USP53: variants seen among roughly 807,000 people sequenced by gnomAD.
The protein encoded by USP53 is ubiquitin specific peptidase 53.
USP53 carries 71 observed loss-of-function variants against 94.9 expected under a neutral mutation model. That is an observed-to-expected ratio of 0.75 (90% CI 0.62 to 0.91). The LOEUF (loss-of-function observed/expected upper bound fraction) is 0.91, where lower values mean the gene tolerates loss of function less well. USP53 is among the 40% of genes least tolerant of loss of function. The pLI, the probability that USP53 is intolerant of heterozygous loss-of-function variation, is 0.00. For missense variants in USP53, 1,173 were observed against 1,281.0 expected (o/e 0.92, Z 1.29); for synonymous variants, 375 against 422.7 (o/e 0.89, Z 1.39).
At chr4:119,291,801 A>C (rs1754790749) in intron 18 of USP53, among the ~76,000 whole-genome samples, 1 of 152,112 alleles carries the variant, frequency 6.6e-6, no homozygotes, top group Non-Finnish European at 1.5e-5. Flanking sequence ...CAGCAGGATC[A>C]CTTGAGGCCA....
chr4:119,263,760 C>G (rs1488565363), intron 12 of USP53, among the ~76,000 whole-genome samples: 1 of 152,012 alleles, frequency 6.6e-6, no homozygotes, highest in Non-Finnish European at 1.5e-5. Context: ...TTGCTCTGGA[C>G]CTGATATTAA....
intron 2 of USP53, among the ~76,000 whole-genome samples, chr4:119,215,362 A>G (rs1743573318): frequency 6.6e-6 from 1 of 152,220 alleles, no homozygotes; most frequent in African/African-American, 2.4e-5. Context: ...AAAAATCCTC[A>G]AAGGTTAAAT....
At position 119,268,357 on chromosome 4, in the gene USP53, C is replaced by G; in HGVS notation, c.1225C>G (p.Pro409Ala). ...QAKQRENQKF[P>A]TDNISSSNRS... ...AAAGCAGAGAGAAAATCAGAAATTTCCAACTGATAATATTTCATCATCTAA... is the reference window on the plus strand; with the variant it reads ...AAAGCAGAGAGAAAATCAGAAATTTGCAACTGATAATATTTCATCATCTAA... The change falls in exon 14 of 19, where the codon CCA (proline) becomes GCA (alanine). Residue 409 changes from proline to alanine, a missense_variant. Physicochemically the swap from Pro to Ala is conservative, Grantham distance 27 (BLOSUM62 -1). Coordinates refer to ENST00000692078, the MANE Select transcript of USP53 (RefSeq NM_001371395.1). 3 of 1,613,822 alleles carry G rather than the reference C, an allele frequency of 1.9e-6. No individual in the cohort carries two copies. The highest frequency in any genetic ancestry group is 2.5e-6 in the Non-Finnish European group (3 of 1,179,902).
chr4:119,266,685 C>A lies in USP53; in HGVS notation c.973-635C>A, dbSNP rs149888202. Among the ~76,000 whole-genome samples, 3 of 151,890 alleles carry A rather than the reference C, an allele frequency of 2.0e-5. No individual in the cohort carries two copies. The East Asian group carries it at 5.8e-4, about 29-fold the overall frequency. ...TTGTAGGAATTCTTTATTCTGCATA[C>A]CAGTCCTTTATTAGCTGTATGTTGC... On this transcript the variant is annotated intron_variant, in intron 12 of 18. Coordinates refer to ENST00000692078, the MANE Select transcript of USP53 (RefSeq NM_001371395.1).
intron 9 of USP53, among the ~76,000 whole-genome samples, chr4:119,256,870 G>C (rs569956646): frequency 3.3e-5 from 5 of 152,054 alleles, no homozygotes; most frequent in Non-Finnish European, 5.9e-5. Flanking sequence ...GTTTGTAATG[G>C]CCATATTTTC....
chr4:119,261,623 T>C (rs1218323637), intron 11 of USP53, 92 bp from the exon 12 acceptor site: 2 of 1,044,282 alleles, frequency 1.9e-6, no homozygotes, highest in African/African-American at 1.6e-5. Flanking sequence ...TGAGAAATAT[T>C]TCATTATGTG....
rs552491366 is a variant in USP53, at chr4:119,219,973, G to T, written c.-665+2300G>T. The T allele has an allele frequency of 1.3e-4, 20 of 151,992 alleles. No homozygotes were observed. In the East Asian group the frequency reaches 3.1e-3, roughly 23 times the overall value. The allele number at this position is 151,992 out of a possible 1,614,324, so 9.4% of individuals were successfully genotyped here. A position where few individuals can be genotyped will look rare whatever the true frequency, so the allele number is the denominator to read the frequency against. ...GGTTCATTTTAAAGTTCAAATTTAA[G>T]TTTTTTATTTTAAAATATTTTATTG... On this transcript the variant is annotated intron_variant, in intron 3 of 18. Transcript: ENST00000692078.
At chr4:119,269,900 G>T in intron 15 of USP53, 63 bp downstream of exon 15, 1 of 1,132,794 alleles carries the variant, frequency 8.8e-7, no homozygotes, top group South Asian at 3.5e-5. Flanking sequence ...TTTTAAAACT[G>T]AATTTTATAA....
intron 14 of USP53, among the ~76,000 whole-genome samples, chr4:119,269,070 T>G (rs1225669665): frequency 6.6e-6 from 1 of 152,194 alleles, no homozygotes; most frequent in East Asian, 1.9e-4. Context: ...GATTGAGAAT[T>G]AACAGTTATC....
intron 5 of USP53, 28 bp downstream of exon 5, chr4:119,239,931 A>G: frequency 7.2e-7 from 1 of 1,392,884 alleles, no homozygotes; most frequent in East Asian, 2.6e-5. Context: ...TATTACATTA[A>G]AAAAAATACT....
intron 17 of USP53, among the ~76,000 whole-genome samples, chr4:119,287,722 A>G (rs1754276691): frequency 6.6e-6 from 1 of 152,158 alleles, no homozygotes; most frequent in Non-Finnish European, 1.5e-5. Flanking sequence ...TGCTAATGCC[A>G]TATATTTTGC....
rs746680188 is a variant in USP53 at position 119,239,287 on chromosome 4, GAA to G, written c.-470_-469del. 2.1e-4 allele frequency: 31 copies of G among 150,382 alleles called. No homozygotes were observed. The highest frequency in any genetic ancestry group is 1.0e-4 in the Non-Finnish European group (7 of 67,458). 9.3% of individuals were successfully genotyped at this position (150,382 alleles called of 1,614,324 possible). On this transcript the variant is annotated 5_prime_UTR_variant, in exon 5 of 19. It removes the in-frame stop codon of an upstream open reading frame in the 5' UTR. Transcript: ENST00000692078. ...TATAACTTCACCTGGGAAAGAGAGA[GAA>G]AACTTTCTTGTTAAAAAAACATAAG...
chr4:119,281,104 A>G (rs975045544), intron 17 of USP53, among the ~76,000 whole-genome samples: 9 of 152,340 alleles, frequency 5.9e-5, no homozygotes, highest in African/African-American at 1.7e-4. Context: ...TAACTATGCA[A>G]TGGTGTGGGA....
At chr4:119,272,813 T>A (rs753966650) in intron 16 of USP53, 1 of 152,212 alleles carries the variant, frequency 6.6e-6, no homozygotes, top group Non-Finnish European at 1.5e-5. Flanking sequence ...AAGAGATATT[T>A]TCCCTTTAGC....
intron 11 of USP53, 79 bp downstream of exon 11, chr4:119,260,732 C>T (rs1035825196): frequency 3.0e-5 from 46 of 1,525,880 alleles, no homozygotes; most frequent in East Asian, 1.4e-4. Flanking sequence ...TATCTGATAA[C>T]GACAAGTTTA....
intron 17 of USP53, among the ~76,000 whole-genome samples, chr4:119,279,878 C>T (rs965263549): frequency 3.3e-5 from 5 of 152,206 alleles, no homozygotes. Flanking sequence ...GTGCGTCCGT[C>T]ACCCCTTTCT....
At chr4:119,226,536 T>C (rs1461746896) in intron 3 of USP53, among the ~76,000 whole-genome samples, 1 of 152,220 alleles carries the variant, frequency 6.6e-6, no homozygotes, top group South Asian at 2.1e-4. Context: ...ATGAAAAACT[T>C]AGAGATAAAT....
chr4:119,243,918 T>C (rs1047612755), intron 5 of USP53, among the ~76,000 whole-genome samples: 1 of 152,212 alleles, frequency 6.6e-6, no homozygotes, highest in African/African-American at 2.4e-5. Flanking sequence ...ACATTGCATA[T>C]GTCACCTAAT....
At chr4:119,260,772 C>G (rs960238289) in intron 11 of USP53, 119 bp downstream of exon 11, 13 of 1,108,652 alleles carry the variant, frequency 1.2e-5, no homozygotes, top group Non-Finnish European at 1.5e-5. Context: ...AATGCCTTTA[C>G]TACATAGACT....
Sources: gnomAD v4.1 joint callset for allele counts (sites outside exome capture counted in the v4.1 genomes callset) on GRCh38, gnomAD v4.1.1 for gene constraint, MANE v1.5 for transcripts, NCBI Gene and HGNC (gene_info 2026-07-23, HGNC 2026-07-21) for gene names.